CSMD1: variants seen among roughly 807,000 people sequenced by gnomAD.
The protein encoded by CSMD1 is CUB and sushi domain-containing protein 1.
A neutral mutation model predicts 417.5 loss-of-function variants in CSMD1; 213 were observed. The ratio of observed to expected loss-of-function variants is 0.51; its 90% CI spans 0.46 to 0.57. The LOEUF (loss-of-function observed/expected upper bound fraction) is 0.57, where lower values mean the gene tolerates loss of function less well. Ranked by LOEUF, CSMD1 falls within the 20% of genes least tolerant of loss-of-function variation. The pLI, the probability that CSMD1 is intolerant of heterozygous loss-of-function variation, is 0.00. For synonymous variants in CSMD1, 2,862 were observed against 1,736.8 expected, an observed-to-expected ratio of 1.65 and a Z score of -16.11; for missense variants, 6,923 against 4,529.7, an observed-to-expected ratio of 1.53 and a Z score of -15.17.
At chr8:3,921,879 T>C (rs1406765634) in intron 5 of CSMD1, among the ~76,000 whole-genome samples, 1 of 152,174 alleles carries the variant, frequency 6.6e-6, no homozygotes, top group Non-Finnish European at 1.5e-5. Flanking sequence ...TGGAAGGTTC[T>C]GCATGTGTCT....
Position 4,700,042 on chromosome 8 carries a change from T to C in CSMD1, c.86-62484A>G, listed in dbSNP as rs577306924. 2.1e-4 allele frequency among the ~76,000 whole-genome samples: 32 copies of C among 152,314 alleles called. No homozygotes were observed. In the South Asian group the frequency reaches 3.5e-3, roughly 17 times the overall value. On this transcript the variant is annotated intron_variant, in intron 1 of 69. Transcript: ENST00000635120. ...TCTTAGAAAGCTTCACAAAGAGCCA[T>C]GAAGGAGAAACCACTGAGTCCTTTT... is the stretch of plus-strand genomic sequence containing the variant.
intron 1 of CSMD1, among the ~76,000 whole-genome samples, chr8:4,757,137 T>A (rs951452079): frequency 1.3e-5 from 2 of 152,230 alleles, no homozygotes; most frequent in African/African-American, 4.8e-5. Context: ...GTACTGAGAA[T>A]AGATGCGAAT....
rs986855314 is a variant in CSMD1, at chr8:3,746,391, C to T, written c.931+7539G>A. Among the ~76,000 whole-genome samples the T allele has an allele frequency of 2.0e-5, 3 of 152,088 alleles. No homozygotes were observed. In the South Asian group the frequency reaches 6.2e-4, roughly 32 times the overall value. The stretch of plus-strand genomic sequence containing the variant: ...AGATTTACTGGATACCATTGTTGGC[C>T]CCCAATTATCCAATGTCAACCACAT... On this transcript the variant is annotated intron_variant, in intron 6 of 69. Transcript: ENST00000635120.
chr8:3,986,385 C>T (rs10094965), intron 5 of CSMD1, among the ~76,000 whole-genome samples: 2,721 of 152,228 alleles, frequency 0.018, 82 homozygotes, highest in African/African-American at 0.062. Flanking sequence ...ACCTTCCTAA[C>T]CACAGGCCCT....
chr8:3,677,426 T>G (rs558178489), intron 7 of CSMD1, among the ~76,000 whole-genome samples: 1 of 152,244 alleles, frequency 6.6e-6, no homozygotes, highest in East Asian at 1.9e-4. Context: ...GAAACAAACC[T>G]GATCCCACAG....
intron 10 of CSMD1, among the ~76,000 whole-genome samples, chr8:3,517,769 G>C (rs923450467): frequency 6.6e-6 from 1 of 152,068 alleles, no homozygotes; most frequent in Non-Finnish European, 1.5e-5. Context: ...TTCAAGGCTG[G>C]GAAATTTGTA....
intron 5 of CSMD1, among the ~76,000 whole-genome samples, chr8:3,933,770 A>G (rs567761908): frequency 6.6e-6 from 1 of 152,146 alleles, no homozygotes; most frequent in Non-Finnish European, 1.5e-5. Flanking sequence ...GGTTTTATAT[A>G]TTTTCCTGCT....
At chr8:3,665,775 G>T (rs1372804192) in intron 7 of CSMD1, among the ~76,000 whole-genome samples, 1 of 152,190 alleles carries the variant, frequency 6.6e-6, no homozygotes. Flanking sequence ...GCAGTAGCTT[G>T]AAGCTGAGGC....
At chr8:4,178,997 A>G (rs964688736) in intron 3 of CSMD1, among the ~76,000 whole-genome samples, 5 of 152,194 alleles carry the variant, frequency 3.3e-5, no homozygotes, top group African/African-American at 9.7e-5. Context: ...AAATGGCCAT[A>G]CTGCCCAAGG....
intron 5 of CSMD1, among the ~76,000 whole-genome samples, chr8:3,882,970 G>C (rs540091160): frequency 1.1e-3 from 172 of 152,218 alleles, no homozygotes; most frequent in East Asian, 3.1e-3. Context: ...GCGAAAGTTT[G>C]TTGACTCTCA....
intron 5 of CSMD1, among the ~76,000 whole-genome samples, chr8:3,868,571 G>A (rs575931243): frequency 6.6e-6 from 1 of 152,258 alleles, no homozygotes; most frequent in South Asian, 2.1e-4. Flanking sequence ...ATGTGGATTT[G>A]AGGGTCCAGC....
intron 3 of CSMD1, among the ~76,000 whole-genome samples, chr8:4,324,139 G>C (rs1799421433): frequency 6.6e-6 from 1 of 152,158 alleles, no homozygotes; most frequent in African/African-American, 2.4e-5. Context: ...CTGCTGCTGT[G>C]CAATTATCAA....
chr8:3,824,887 G>C (rs1486631763), intron 5 of CSMD1, among the ~76,000 whole-genome samples: 1 of 152,026 alleles, frequency 6.6e-6, no homozygotes, highest in Non-Finnish European at 1.5e-5. Context: ...TTAATAAAAT[G>C]AGAATTGTAA....
At chr8:3,782,416 G>C (rs1799230969) in intron 5 of CSMD1, among the ~76,000 whole-genome samples, 1 of 152,054 alleles carries the variant, frequency 6.6e-6, no homozygotes, top group African/African-American at 2.4e-5. Flanking sequence ...ACTATAAATA[G>C]GCTGTTCAAC....
chr8:3,330,544 G>A (rs754134710), intron 23 of CSMD1, among the ~76,000 whole-genome samples: 1 of 152,188 alleles, frequency 6.6e-6, no homozygotes, highest in Non-Finnish European at 1.5e-5. Flanking sequence ...GAGCTAAATG[G>A]TGTGAACTCA....
chr8:4,034,236 A>T (rs951496239), intron 3 of CSMD1, among the ~76,000 whole-genome samples: 9 of 146,658 alleles, frequency 6.1e-5, no homozygotes, highest in African/African-American at 2.2e-4. Context: ...CTTAAGTACA[A>T]ACAGAACTAT....
At chr8:3,800,542 G>T (rs4379473) in intron 5 of CSMD1, among the ~76,000 whole-genome samples, 151,606 of 152,180 alleles carry the variant, frequency 1, 75,525 homozygotes, top group Middle Eastern at 1. Flanking sequence ...GATCATAGAG[G>T]TATGCAATGG....
chr8:4,016,541 G>A (rs962844675), intron 4 of CSMD1, among the ~76,000 whole-genome samples: 6 of 152,122 alleles, frequency 3.9e-5, no homozygotes. Context: ...CTATGAGAAG[G>A]AAAGAGGAGA....
chr8:3,704,312 G>C (rs974144516), intron 7 of CSMD1, among the ~76,000 whole-genome samples: 19 of 152,102 alleles, frequency 1.2e-4, no homozygotes, highest in African/African-American at 3.6e-4. Context: ...TGCGTGATTA[G>C]CGAGCTCCCA....
Sources: gnomAD v4.1 joint callset for allele counts (sites outside exome capture counted in the v4.1 genomes callset) on GRCh38, gnomAD v4.1.1 for gene constraint, MANE v1.5 for transcripts, NCBI Gene and HGNC (gene_info 2026-07-23, HGNC 2026-07-21) for gene names.